Variants in ZMYM5 observed in about 807,000 individuals in gnomAD.
The protein encoded by ZMYM5 is zinc finger MYM-type containing 5, also known as zinc finger MYM-type protein 5.
Under a neutral mutation model 61.8 loss-of-function variants are expected in ZMYM5, and 41 were observed. The observed-to-expected ratio is 0.66, with a 90% CI of 0.52 to 0.86. The LOEUF (loss-of-function observed/expected upper bound fraction) is 0.86, where lower values mean the gene tolerates loss of function less well. Among genes scored for constraint, ZMYM5 ranks in the 40% least tolerant of loss-of-function variants. The pLI is 0.00. For missense variants in ZMYM5, 706 were observed against 786.7 expected (o/e 0.90, Z 1.23); for synonymous variants, 257 against 276.4 (o/e 0.93, Z 0.70).
In ZMYM5 at chr13:19,838,031, G is replaced by A. The variant is rs1030023783; in HGVS notation, c.873-210C>T. On this transcript the variant is annotated intron_variant, in intron 5 of 7. Coordinates refer to ENST00000337963, the MANE Select transcript of ZMYM5 (RefSeq NM_001142684.2). ...GAAGAGTCAGAGATAAAAATCTTTCGTAGCACAAGAACCTTGCCACAAGTT... is the reference window on the plus strand; with the variant it reads ...GAAGAGTCAGAGATAAAAATCTTTCATAGCACAAGAACCTTGCCACAAGTT... 9.2e-4 allele frequency among the ~76,000 whole-genome samples: 140 copies of A among 152,148 alleles called. 1 individual carries two copies. The highest frequency in any genetic ancestry group is 3.3e-3 in the African/African-American group (136 of 41,512).
chr13:19,861,028 C>T (rs1953740348), intron 2 of ZMYM5, among the ~76,000 whole-genome samples: 1 of 151,394 alleles, frequency 6.6e-6, no homozygotes, highest in Non-Finnish European at 1.5e-5. Context: ...GTCGCCCAGC[C>T]TGGAATGCTA....
intron 4 of ZMYM5, among the ~76,000 whole-genome samples, chr13:19,845,131 C>A (rs1339380955): frequency 6.6e-6 from 1 of 152,094 alleles, no homozygotes; most frequent in East Asian, 1.9e-4. Context: ...TAACAAACTA[C>A]TAAATGACAT....
At chr13:19,848,111 CA>C (rs1234399336) in intron 4 of ZMYM5, among the ~76,000 whole-genome samples, 1 of 151,918 alleles carries the variant, frequency 6.6e-6, no homozygotes, top group Admixed American at 6.6e-5. Context: ...GCTGTGACTG[CA>C]GGAGCATGCC....
chr13:19,862,903 C>T (rs2138692942), intron 1 of ZMYM5, among the ~76,000 whole-genome samples: 3 of 152,302 alleles, frequency 2.0e-5, no homozygotes, highest in Admixed American at 2.0e-4. Context: ...CCCCAGCAGT[C>T]GACGACAGGG....
chr13:19,851,931 A>G lies in ZMYM5; in HGVS notation c.250T>C (p.Phe84Leu), dbSNP rs768852367. 2 of 1,613,822 alleles carry G rather than the reference A, an allele frequency of 1.2e-6. No individual in the cohort carries two copies. The highest frequency in any genetic ancestry group is 1.1e-5 in the South Asian group (1 of 90,980). ...PAIADQRNFIFASSKNEKPQG... is the reference protein window; with the variant it reads ...PAIADQRNFILASSKNEKPQG... ...GGCTTTTCATTTTTTGATGATGCAA[A>G]TATGAAGTTTCTTTGATCAGCTATT... The change falls in exon 3 of 8, where the codon TTT (phenylalanine) becomes CTT (leucine). Residue 84 changes from phenylalanine (F) to leucine (L), a missense_variant. Around this residue, in one of 2 missense-constraint regions of ZMYM5, gnomAD observed 480 missense variants for 461.7 expected, o/e 1.04. Coordinates refer to ENST00000337963, the MANE Select transcript of ZMYM5 (RefSeq NM_001142684.2).
intron 4 of ZMYM5, among the ~76,000 whole-genome samples, chr13:19,844,537 C>T (rs1953007165): frequency 6.6e-6 from 1 of 152,154 alleles, no homozygotes; most frequent in Non-Finnish European, 1.5e-5. Context: ...TGGTCAATGA[C>T]ATGCAAATTA....
At chr13:19,833,441 A>G (rs933146388) in intron 7 of ZMYM5, among the ~76,000 whole-genome samples, 2 of 152,126 alleles carry the variant, frequency 1.3e-5, no homozygotes, top group African/African-American at 2.4e-5. Context: ...AAAATCTACT[A>G]TGTGGTTCTA....
rs538605853 is a variant in ZMYM5, at chr13:19,853,457, A to AT, written c.-10-1268dup. Among the ~76,000 whole-genome samples, 559 of 149,758 alleles carry AT rather than the reference A, an allele frequency of 3.7e-3. 2 individuals are homozygous for AT. Among genetic ancestry groups the AT allele is most frequent in the South Asian group, 0.027 (126 of 4,744 alleles). On this transcript the variant is annotated intron_variant, in intron 2 of 7. Transcript: ENST00000337963. Reference sequence around the variant, plus strand: ...TTATACATGCTGGCCTCAATTTTCAATTTTTTTTTTCTTTTAGTAGATGTG... The same window carrying AT: ...TTATACATGCTGGCCTCAATTTTCAATTTTTTTTTTTCTTTTAGTAGATGTG...
intron 6 of ZMYM5, chr13:19,837,305 C>T (rs1952704589): frequency 5.7e-6 from 4 of 702,892 alleles, no homozygotes; most frequent in Non-Finnish European, 7.9e-6. Context: ...AGATGTGAGC[C>T]ACCACGTCCG....
At chr13:19,841,562 A>T (rs1190497555) in intron 4 of ZMYM5, among the ~76,000 whole-genome samples, 1 of 152,194 alleles carries the variant, frequency 6.6e-6, no homozygotes, top group Non-Finnish European at 1.5e-5. Context: ...TCTCAGCAAG[A>T]GGGATAGGAG....
chr13:19,835,682 T>C lies in ZMYM5; in HGVS notation c.1046A>G (p.His349Arg), dbSNP rs1225993752. ...TGTTACATTATTTACGCTGACTTCA[T>C]GGCGAATCTAAAAGAAAAACCAGAA... ...TICSKLAEIR[H>R]EVSVNNVTHK... The change falls in exon 7 of 8, where the codon CAT (histidine) becomes CGT (arginine). Residue 349 changes from histidine (H) to arginine (R), a missense_variant. By Grantham distance (29) the His-to-Arg change is conservative. Around this residue, in one of 2 missense-constraint regions of ZMYM5, gnomAD observed 480 missense variants for 461.7 expected, o/e 1.04. Coordinates refer to ENST00000337963, the MANE Select transcript of ZMYM5 (RefSeq NM_001142684.2). 7.3e-7 allele frequency: 1 copy of C among 1,367,270 alleles called. No individual in the cohort carries two copies. Among genetic ancestry groups the C allele is most frequent in the Non-Finnish European group, 9.8e-7 (1 of 1,021,682 alleles). 84.7% of individuals were successfully genotyped at this position (1,367,270 alleles called of 1,614,324 possible). A position where few individuals can be genotyped will look rare whatever the true frequency, so the allele number is the denominator to read the frequency against.
Position 19,827,251 on chromosome 13 carries a change from T to C in ZMYM5, c.1252-2016A>G, listed in dbSNP as rs531023816. Among the ~76,000 whole-genome samples, 7 of 152,302 alleles carry C rather than the reference T, an allele frequency of 4.6e-5. No homozygotes were observed. In the South Asian group the frequency reaches 1.5e-3, roughly 32 times the overall value. ...ATTTAACAGCAATTAACTTTAATGG[T>C]GAAATTTTCATAAATAATTCCTTCA... On this transcript the variant is annotated intron_variant, in intron 7 of 7. Coordinates refer to ENST00000337963, the MANE Select transcript of ZMYM5 (RefSeq NM_001142684.2).
intron 4 of ZMYM5, among the ~76,000 whole-genome samples, chr13:19,851,020 T>A (rs1223414043): frequency 6.6e-6 from 1 of 151,882 alleles, no homozygotes; most frequent in African/African-American, 2.4e-5. Flanking sequence ...ATCAGCTTGG[T>A]CAACATGGTG....
At chr13:19,859,924 T>G (rs1400960304) in intron 2 of ZMYM5, among the ~76,000 whole-genome samples, 2 of 149,372 alleles carry the variant, frequency 1.3e-5, no homozygotes, top group Non-Finnish European at 3.0e-5. Flanking sequence ...GCCAACATGG[T>G]CAGTCCCTTG....
At chr13:19,857,584 G>C (rs560665002) in intron 2 of ZMYM5, among the ~76,000 whole-genome samples, 1 of 152,122 alleles carries the variant, frequency 6.6e-6, no homozygotes, top group African/African-American at 2.4e-5. Context: ...CAGGAACTAG[G>C]TACAAAATTA....
chr13:19,834,962 A>T (rs1212842605), intron 7 of ZMYM5, among the ~76,000 whole-genome samples: 1 of 150,816 alleles, frequency 6.6e-6, no homozygotes, highest in Non-Finnish European at 1.5e-5. Context: ...TGGGATTACA[A>T]GTGTTAGCCA....
At chr13:19,848,826 T>C (rs1953178495) in intron 4 of ZMYM5, among the ~76,000 whole-genome samples, 1 of 151,824 alleles carries the variant, frequency 6.6e-6, no homozygotes, top group African/African-American at 2.4e-5. Flanking sequence ...TAAGCCACCA[T>C]GCCCAGCCCC....
At chr13:19,830,820 T>C (rs945203761) in intron 7 of ZMYM5, among the ~76,000 whole-genome samples, 4 of 149,248 alleles carry the variant, frequency 2.7e-5, no homozygotes, top group African/African-American at 9.9e-5. Flanking sequence ...CTTTGCCAAC[T>C]GTTTATGAGT....
intron 4 of ZMYM5, among the ~76,000 whole-genome samples, chr13:19,849,850 A>AGG (rs1275623015): frequency 2.6e-5 from 4 of 151,968 alleles, no homozygotes; most frequent in Non-Finnish European, 5.9e-5. Context: ...GCGTGATGGC[A>AGG]CACGCCTGCA....
Sources: allele counts gnomAD v4.1 joint callset (sites outside exome capture counted in the v4.1 genomes callset), GRCh38; gene constraint gnomAD v4.1.1; regional missense constraint gnomAD v4.1.1; transcripts MANE v1.5; gene names NCBI Gene and HGNC (gene_info 2026-07-23, HGNC 2026-07-21).